The following PARD3B variants were observed in gnomAD, a reference collection of about 807,000 sequenced individuals.
PARD3B encodes the protein partitioning defective 3 homolog B.
In PARD3B, 103 loss-of-function variants were observed where a neutral mutation model predicts 130.2. The ratio of observed to expected loss-of-function variants is 0.79; its 90% CI spans 0.67 to 0.93. PARD3B has a LOEUF of 0.93. Among genes scored for constraint, PARD3B ranks in the 40% least tolerant of loss-of-function variants. The pLI is 0.00. For missense variants in PARD3B, 1,609 were observed against 1,499.2 expected (o/e 1.07, Z -1.21); for synonymous variants, 583 against 553.2 (o/e 1.05, Z -0.76).
chr2:204,866,254 T>C (rs950946895), intron 2 of PARD3B, among the ~76,000 whole-genome samples: 2 of 152,218 alleles, frequency 1.3e-5, no homozygotes, highest in African/African-American at 4.8e-5. Flanking sequence ...AAAATCCATT[T>C]CCACCATTTA....
intron 2 of PARD3B, among the ~76,000 whole-genome samples, chr2:204,842,526 G>T (rs905318820): frequency 1.3e-5 from 2 of 152,130 alleles, no homozygotes; most frequent in Non-Finnish European, 2.9e-5. Flanking sequence ...GCCAGAAAAA[G>T]AATGGAGAGG....
intron 20 of PARD3B, among the ~76,000 whole-genome samples, chr2:205,485,218 G>A (rs1463953926): frequency 6.6e-6 from 1 of 152,038 alleles, no homozygotes; most frequent in African/African-American, 2.4e-5. Flanking sequence ...GTCTGATTTG[G>A]CAGCCAGACC....
chr2:205,574,914 A>T (rs2053694681), intron 22 of PARD3B, among the ~76,000 whole-genome samples: 1 of 151,518 alleles, frequency 6.6e-6, no homozygotes, highest in African/African-American at 2.4e-5. Context: ...GAATTTACAG[A>T]CTAGAAGCCT....
chr2:205,249,954 GA>G (rs2039770421), intron 16 of PARD3B, among the ~76,000 whole-genome samples: 1 of 150,010 alleles, frequency 6.7e-6, no homozygotes, highest in African/African-American at 2.4e-5. Context: ...AAAAAAAACA[GA>G]AAAATGTATT....
At chr2:205,539,220 G>C (rs922128182) in intron 21 of PARD3B, among the ~76,000 whole-genome samples, 8 of 152,138 alleles carry the variant, frequency 5.3e-5, no homozygotes, top group Non-Finnish European at 1.2e-4. Flanking sequence ...CATTCTCTTT[G>C]AGTGAAATAG....
chr2:205,123,656 CA>C (rs34397237), intron 8 of PARD3B, among the ~76,000 whole-genome samples: 8 of 11,812 alleles, frequency 6.8e-4, no homozygotes, highest in South Asian at 3.4e-3. Flanking sequence ...GAGTCAATTT[CA>C]AAAAAAAAAA....
intron 19 of PARD3B, among the ~76,000 whole-genome samples, chr2:205,433,744 T>C (rs891938851): frequency 6.6e-6 from 1 of 152,188 alleles, no homozygotes; most frequent in Non-Finnish European, 1.5e-5. Context: ...TGGAATTATA[T>C]AGTATATAGT....
chr2:205,218,584 G>T (rs544372028), intron 15 of PARD3B, among the ~76,000 whole-genome samples: 1 of 152,154 alleles, frequency 6.6e-6, no homozygotes, highest in Admixed American at 6.6e-5. Flanking sequence ...GCAAATAATT[G>T]TAAATAGATT....
At chr2:204,756,347 AT>A in intron 2 of PARD3B, among the ~76,000 whole-genome samples, 1 of 152,240 alleles carries the variant, frequency 6.6e-6, no homozygotes, top group East Asian at 1.9e-4. Context: ...ATATTACTGT[AT>A]TTAACATTAA....
At chr2:205,331,782 C>CAAAAAAAA (rs56654511) in intron 18 of PARD3B, among the ~76,000 whole-genome samples, 3,583 of 48,288 alleles carry the variant, frequency 0.074, 906 homozygotes, top group East Asian at 0.13. Flanking sequence ...GACTCCGTCT[C>CAAAAAAAA]AAAAAAAAAA....
chr2:205,126,861 T>G (rs893522042), intron 10 of PARD3B, among the ~76,000 whole-genome samples: 1 of 150,668 alleles, frequency 6.6e-6, no homozygotes, highest in Admixed American at 6.6e-5. Flanking sequence ...ATTTGTGCAG[T>G]ATCATTAAAT....
chr2:205,444,172 G>A (rs975411046), intron 20 of PARD3B, among the ~76,000 whole-genome samples: 3 of 152,144 alleles, frequency 2.0e-5, no homozygotes, highest in Non-Finnish European at 2.9e-5. Context: ...TAGTAGAGAC[G>A]GGGTTTTGCC....
rs756386948 is a variant in PARD3B, at chr2:205,619,031, G to A, written c.*3218G>A. ...TAAAGATCTTAAGAGCATAGTAGGG[G>A]TTCTGAGACCGACTGTCACCCGTGG... On this transcript the variant is annotated 3_prime_UTR_variant, in exon 23 of 23. Transcript: ENST00000406610. 6.6e-6 allele frequency: 1 copy of A among 152,208 alleles called. No individual in the cohort carries two copies. Among genetic ancestry groups the A allele is most frequent in the African/African-American group, 2.4e-5 (1 of 41,444 alleles). The allele number at this position is 152,208 out of a possible 1,614,324, so 9.4% of individuals were successfully genotyped here. A position where few individuals can be genotyped will look rare whatever the true frequency, so the allele number is the denominator to read the frequency against.
rs1259086344 is a variant in PARD3B at position 204,623,773 on chromosome 2, A to T, written c.121-62408A>T. 6.6e-6 allele frequency among the ~76,000 whole-genome samples: 1 copy of T among 152,214 alleles called. No homozygotes were observed. ...TCTCTAGAACTGAATTATGTTGCAT[A>T]AATGAAGAATTTATACCCATTGAAT... On this transcript the variant is annotated intron_variant, in intron 1 of 22. Coordinates refer to ENST00000406610, the MANE Select transcript of PARD3B (RefSeq NM_001302769.2). The surrounding 1 kb of genome is among the most constrained non-coding windows in gnomAD (Gnocchi z 4.5).
chr2:205,057,569 GTA>G (rs1256310160), intron 4 of PARD3B, among the ~76,000 whole-genome samples: 14 of 130,124 alleles, frequency 1.1e-4, no homozygotes, highest in African/African-American at 3.4e-4. Flanking sequence ...ATACATATAT[GTA>G]TATGTGTATG....
At chr2:205,245,501 A>C (rs2039534269) in intron 15 of PARD3B, among the ~76,000 whole-genome samples, 1 of 152,196 alleles carries the variant, frequency 6.6e-6, no homozygotes, top group Non-Finnish European at 1.5e-5. Flanking sequence ...ATGTGGAAGA[A>C]ACAACCCAGT....
At chr2:205,385,562 G>A (rs1252470682) in intron 18 of PARD3B, among the ~76,000 whole-genome samples, 1 of 152,056 alleles carries the variant, frequency 6.6e-6, no homozygotes. Context: ...AGTTTTGGAA[G>A]CCTAGTGTGA....
intron 4 of PARD3B, among the ~76,000 whole-genome samples, chr2:205,090,565 C>T (rs1198323574): frequency 2.0e-5 from 3 of 152,216 alleles, no homozygotes; most frequent in African/African-American, 7.2e-5. Context: ...GTCAGCTTCA[C>T]AATCAGATGG....
chr2:205,067,706 C>A (rs962138641), intron 4 of PARD3B, among the ~76,000 whole-genome samples: 3 of 152,050 alleles, frequency 2.0e-5, no homozygotes, highest in African/African-American at 4.8e-5. Flanking sequence ...TCAGTTATTT[C>A]AGTGCCATTT....
Sources: allele counts gnomAD v4.1 joint callset (sites outside exome capture counted in the v4.1 genomes callset), GRCh38; gene constraint gnomAD v4.1.1; non-coding constraint Gnocchi (gnomAD v3.1); transcripts MANE v1.5; gene names NCBI Gene and HGNC (gene_info 2026-07-23, HGNC 2026-07-21).